The following PRKN variants were observed in gnomAD, a reference collection of about 807,000 sequenced individuals.
PRKN encodes the protein E3 ubiquitin-protein ligase parkin.
In PRKN, 56 loss-of-function variants were observed where a neutral mutation model predicts 59.5. The observed-to-expected ratio is 0.94, with a 90% confidence interval of 0.76 to 1.18. The LOEUF is 1.18. Ranked by LOEUF, PRKN falls within the 50% of genes most tolerant of loss-of-function variation. The pLI is 0.00. For missense variants in PRKN, 657 were observed against 596.4 expected, an observed-to-expected ratio of 1.10 and a Z score of -1.06; for synonymous variants, 250 against 222.1, an observed-to-expected ratio of 1.13 and a Z score of -1.12.
At position 161,442,554 on chromosome 6, in the gene PRKN, G is replaced by A. The variant is rs79182643; in HGVS notation, c.1084-55677C>T. Among the ~76,000 whole-genome samples the A allele has an allele frequency of 8.5e-5, 13 of 152,308 alleles. 2 individuals are homozygous for A. The South Asian group carries it at 2.5e-3, about 29-fold the overall frequency. ...ACAAGAAGGCACTGAATAGCGTGCC[G>A]TTCCGCACCACCAAGCGGAAGGGCA... is the stretch of plus-strand genomic sequence containing the variant. On this transcript the variant is annotated intron_variant, in intron 9 of 11. Transcript: ENST00000366898. This position sits in a 1 kb window ranked among gnomAD's most constrained non-coding sequence, Gnocchi z 4.6.
chr6:161,754,311 C>T (rs998005979), intron 7 of PRKN, among the ~76,000 whole-genome samples: 1 of 151,952 alleles, frequency 6.6e-6, no homozygotes, highest in South Asian at 2.1e-4. Flanking sequence ...AGCTTGACTC[C>T]GAGGGCCTAG....
chr6:162,673,159 G>C (rs1319451284), intron 1 of PRKN, among the ~76,000 whole-genome samples: 1 of 152,134 alleles, frequency 6.6e-6, no homozygotes, highest in Non-Finnish European at 1.5e-5. Flanking sequence ...AGAGTTCCCA[G>C]AATATTTGCA....
At chr6:161,972,421 T>C (rs560123415) in intron 6 of PRKN, among the ~76,000 whole-genome samples, 2 of 152,346 alleles carry the variant, frequency 1.3e-5, no homozygotes, top group South Asian at 4.1e-4. Context: ...TAAGGAATTG[T>C]ACTCTGAATT....
chr6:161,674,139 GC>G (rs1785006236), intron 7 of PRKN, among the ~76,000 whole-genome samples: 1 of 152,088 alleles, frequency 6.6e-6, no homozygotes, highest in South Asian at 2.1e-4. Flanking sequence ...CTAAGACTAA[GC>G]CCCAGGGAAT....
At chr6:161,776,470 A>G (rs1172160785) in intron 7 of PRKN, among the ~76,000 whole-genome samples, 1 of 152,236 alleles carries the variant, frequency 6.6e-6, no homozygotes, top group Non-Finnish European at 1.5e-5. Context: ...TAGCAAGTCA[A>G]ATCACTAGAG....
At chr6:162,199,398 T>C (rs1299207579) in intron 4 of PRKN, among the ~76,000 whole-genome samples, 1 of 152,236 alleles carries the variant, frequency 6.6e-6, no homozygotes, top group African/African-American at 2.4e-5. Context: ...AGAGTGTTCT[T>C]ATGAAATAAT....
chr6:162,234,494 T>G (rs6940944), intron 3 of PRKN, among the ~76,000 whole-genome samples: 42 of 151,990 alleles, frequency 2.8e-4, no homozygotes, highest in Non-Finnish European at 4.4e-4. Context: ...GGTTCCAGGA[T>G]GCCCATGGAT....
chr6:161,775,300 T>C (rs747941633), intron 7 of PRKN, among the ~76,000 whole-genome samples: 3 of 152,030 alleles, frequency 2.0e-5, no homozygotes, highest in Non-Finnish European at 4.4e-5. Context: ...TGGAGTGAAA[T>C]GGCACAATCA....
At chr6:161,931,656 A>G (rs1779175749) in intron 6 of PRKN, among the ~76,000 whole-genome samples, 1 of 152,226 alleles carries the variant, frequency 6.6e-6, no homozygotes, top group Non-Finnish European at 1.5e-5. Flanking sequence ...CACCTATTTT[A>G]ATAATGGCAT....
chr6:161,902,038 C>T (rs900436449), intron 6 of PRKN, among the ~76,000 whole-genome samples: 10 of 152,176 alleles, frequency 6.6e-5, no homozygotes, highest in African/African-American at 2.4e-4. Context: ...ACTTTCTTCC[C>T]AAACGAAAGG....
Position 161,371,194 on chromosome 6 carries a change from C to T in PRKN, c.1168-10989G>A, listed in dbSNP as rs1351108131. 1.3e-5 allele frequency among the ~76,000 whole-genome samples: 2 copies of T among 150,850 alleles called. No homozygotes were observed. The highest frequency in any genetic ancestry group is 2.4e-5 in the African/African-American group (1 of 41,008). Reference sequence around the variant, plus strand: ...TATTTTTTTTTTTGAGACGTTGTTTCGCTCCTGTTGCCCAGGCTGGAGTGC... The same window carrying T: ...TATTTTTTTTTTTGAGACGTTGTTTTGCTCCTGTTGCCCAGGCTGGAGTGC... On this transcript the variant is annotated intron_variant, in intron 10 of 11. Coordinates refer to ENST00000366898, the MANE Select transcript of PRKN (RefSeq NM_004562.3). This position sits in a 1 kb window ranked among gnomAD's most constrained non-coding sequence, Gnocchi z 5.5.
chr6:162,096,785 T>TA (rs201395014), intron 4 of PRKN, among the ~76,000 whole-genome samples: 5 of 151,634 alleles, frequency 3.3e-5, no homozygotes, highest in African/African-American at 9.7e-5. Context: ...CTTTTTTTTT[T>TA]ATAAATTGCC....
At chr6:161,702,365 G>C (rs1786289220) in intron 7 of PRKN, among the ~76,000 whole-genome samples, 1 of 152,184 alleles carries the variant, frequency 6.6e-6, no homozygotes. Flanking sequence ...CTTGAAAAGA[G>C]GGAAATTCTG....
intron 1 of PRKN, among the ~76,000 whole-genome samples, chr6:162,579,830 T>C (rs1471030820): frequency 6.6e-6 from 1 of 152,178 alleles, no homozygotes; most frequent in Non-Finnish European, 1.5e-5. Flanking sequence ...ATATTGTAAC[T>C]ATCTGTTGAC....
At chr6:162,476,057 C>CT (rs765988655) in intron 1 of PRKN, among the ~76,000 whole-genome samples, 2,461 of 113,002 alleles carry the variant, frequency 0.022, 160 homozygotes, top group African/African-American at 0.071. Context: ...TAACACCACT[C>CT]TTTTTTTTTT....
At chr6:162,009,083 T>C (rs1038857167) in intron 5 of PRKN, among the ~76,000 whole-genome samples, 3 of 151,804 alleles carry the variant, frequency 2.0e-5, no homozygotes, top group African/African-American at 7.3e-5. Context: ...TGAAACCCCG[T>C]CTTTACTAAA....
intron 2 of PRKN, among the ~76,000 whole-genome samples, chr6:162,338,329 A>G (rs937744244): frequency 2.0e-5 from 3 of 151,972 alleles, no homozygotes; most frequent in African/African-American, 7.2e-5. Flanking sequence ...GCTGGACTGT[A>G]CTGCTGCCAT....
intron 1 of PRKN, among the ~76,000 whole-genome samples, chr6:162,692,761 A>T (rs566304295): frequency 6.6e-6 from 1 of 152,264 alleles, no homozygotes; most frequent in Non-Finnish European, 1.5e-5. Flanking sequence ...ACCTTTGTTG[A>T]TTTGAATCTG....
chr6:161,904,759 G>A lies in PRKN; in HGVS notation c.734+68543C>T, dbSNP rs1778080748. On this transcript the variant is annotated intron_variant, in intron 6 of 11. Coordinates refer to ENST00000366898, the MANE Select transcript of PRKN (RefSeq NM_004562.3). ...CTCTTGGGAAACAGGGACTGGGGAT[G>A]GGGGTGTGGGTCAAGAAGAGCGTGT... Among the ~76,000 whole-genome samples the A allele has an allele frequency of 4.6e-5, 7 of 152,130 alleles. No homozygotes were observed. The South Asian group carries it at 1.5e-3, about 32-fold the overall frequency.
Sources: gnomAD v4.1 joint callset for allele counts (sites outside exome capture counted in the v4.1 genomes callset) on GRCh38, gnomAD v4.1.1 for gene constraint, Gnocchi (gnomAD v3.1) non-coding constraint, MANE v1.5 for transcripts, NCBI Gene and HGNC (gene_info 2026-07-23, HGNC 2026-07-21) for gene names.